Variants in PRDM16 observed in about 807,000 individuals in gnomAD.
PRDM16 encodes the protein histone-lysine N-methyltransferase PRDM16.
PRDM16 carries 23 observed loss-of-function variants against 110.6 expected under a neutral mutation model. The ratio of observed to expected loss-of-function variants is 0.21; its 90% confidence interval spans 0.15 to 0.29. The LOEUF is 0.29. Ranked by LOEUF, PRDM16 falls within the 10% of genes least tolerant of loss-of-function variation. The pLI is 1.00. For missense variants in PRDM16, 1,615 were observed against 1,794.3 expected (o/e 0.90, Z 1.81); for synonymous variants, 799 against 781.8 (o/e 1.02, Z -0.37).
At chr1:3,186,776 C>T (rs2100798970) in intron 2 of PRDM16, among the ~76,000 whole-genome samples, 1 of 152,360 alleles carries the variant, frequency 6.6e-6, no homozygotes, top group Admixed American at 6.5e-5. Flanking sequence ...CAGGCGCGAA[C>T]ACTGCCATCG....
At chr1:3,367,608 A>C (rs1268484038) in intron 3 of PRDM16, among the ~76,000 whole-genome samples, 1 of 152,210 alleles carries the variant, frequency 6.6e-6, no homozygotes, top group Non-Finnish European at 1.5e-5. Flanking sequence ...TTGTCCAAAA[A>C]CACGTGCGGT....
At chr1:3,279,831 A>G (rs1464308589) in intron 3 of PRDM16, among the ~76,000 whole-genome samples, 3 of 152,036 alleles carry the variant, frequency 2.0e-5, no homozygotes, top group Admixed American at 6.5e-5. Flanking sequence ...CTGGGCCAGC[A>G]TATCCCTGAG....
rs1644164151 is a variant in PRDM16 at position 3,181,194 on chromosome 1, G to GCAGTCTTACACACGGTCTTACACACA, written c.38-4931_38-4930insCAGTCTTACACACGGTCTTACACACA. On this transcript the variant is annotated intron_variant, in intron 1 of 16. Transcript: ENST00000270722. ...TACGGTCTTACACACGCAGTCTTAC[G>GCAGTCTTACACACGGTCTTACACACA]GTCTTACACACGGTCTTACACACGC... Among the ~76,000 whole-genome samples, 4 of 120,076 alleles carry GCAGTCTTACACACGGTCTTACACACA rather than the reference G, an allele frequency of 3.3e-5. 2 individuals carry two copies. Among genetic ancestry groups the GCAGTCTTACACACGGTCTTACACACA allele is most frequent in the East Asian group, 5.9e-4 (2 of 3,408 alleles). 78.8% of individuals were successfully genotyped at this position (120,076 alleles called of 152,430 possible).
At chr1:3,423,667 G>A (rs1045501216) in intron 12 of PRDM16, among the ~76,000 whole-genome samples, 4 of 152,180 alleles carry the variant, frequency 2.6e-5, no homozygotes, top group Admixed American at 1.3e-4. Flanking sequence ...TCCTCTGTGG[G>A]AACGAAGGCC....
chr1:3,150,389 CAAAA>C (rs34595741), intron 1 of PRDM16, among the ~76,000 whole-genome samples: 3 of 104,494 alleles, frequency 2.9e-5, no homozygotes, highest in African/African-American at 6.6e-5. Flanking sequence ...AACCCCATCT[CAAAA>C]AAAAAAAAAA....
In PRDM16 at chr1:3,290,022, TG is replaced by T. The variant is rs146915024; in HGVS notation, c.438+45886del. Among the ~76,000 whole-genome samples the T allele has an allele frequency of 0.024, 3,675 of 152,164 alleles. 250 individuals carry two copies. Among genetic ancestry groups the T allele is most frequent in the East Asian group, 0.24 (1,234 of 5,140 alleles). On this transcript the variant is annotated intron_variant, in intron 3 of 16. Transcript: ENST00000270722. The surrounding 1 kb of genome is among the most constrained non-coding windows in gnomAD (Gnocchi z 4.8). The stretch of plus-strand genomic sequence containing the variant: ...CCCCACTCCTGCCTGGGGCTGCCCC[TG>T]CTGCTGTGCCTCCCCTGGTGGAGCG...
intron 1 of PRDM16, among the ~76,000 whole-genome samples, chr1:3,088,773 A>ATTATTAT (rs1450161588): frequency 7.0e-6 from 1 of 142,684 alleles, no homozygotes; most frequent in Non-Finnish European, 1.5e-5. Context: ...TATATTATTT[A>ATTATTAT]TTATTATTTA....
intron 3 of PRDM16, among the ~76,000 whole-genome samples, chr1:3,294,461 C>T (rs761235225): frequency 6.6e-6 from 1 of 152,092 alleles, no homozygotes. Context: ...GCCCCAAGAG[C>T]CTCTGACTTC....
chr1:3,344,358 A>G (rs1642325142), intron 3 of PRDM16, among the ~76,000 whole-genome samples: 1 of 152,064 alleles, frequency 6.6e-6, no homozygotes, highest in Non-Finnish European at 1.5e-5. Flanking sequence ...TTCATGCAGT[A>G]TACTTTTCTG....
chr1:3,415,358 G>C (rs1643761366), intron 10 of PRDM16, among the ~76,000 whole-genome samples: 2 of 152,276 alleles, frequency 1.3e-5, no homozygotes, highest in Non-Finnish European at 2.9e-5. Context: ...GGAGGGTCCT[G>C]AGGGTCGCAC....
intron 3 of PRDM16, among the ~76,000 whole-genome samples, chr1:3,341,438 G>A (rs1642270043): frequency 6.6e-6 from 1 of 152,170 alleles, no homozygotes; most frequent in Non-Finnish European, 1.5e-5. Context: ...TTCCTAAGCA[G>A]CTCCTGAATG....
At chr1:3,373,343 C>A (rs1317663019) in intron 3 of PRDM16, among the ~76,000 whole-genome samples, 1 of 152,190 alleles carries the variant, frequency 6.6e-6, no homozygotes, top group Non-Finnish European at 1.5e-5. Context: ...GTGAGAGCCC[C>A]GCCCCAGCGT....
At chr1:3,252,032 A>G (rs1431683757) in intron 3 of PRDM16, among the ~76,000 whole-genome samples, 2 of 152,212 alleles carry the variant, frequency 1.3e-5, no homozygotes, top group Non-Finnish European at 2.9e-5. Context: ...GGGCTTATGC[A>G]TGCTAGTGAG....
intron 1 of PRDM16, among the ~76,000 whole-genome samples, chr1:3,152,281 C>T (rs577366471): frequency 6.6e-6 from 1 of 152,152 alleles, no homozygotes; most frequent in Non-Finnish European, 1.5e-5. Context: ...AGTTTTTATT[C>T]ATCCATCCAT....
At chr1:3,288,633 C>T (rs1352952198) in intron 3 of PRDM16, among the ~76,000 whole-genome samples, 1 of 152,142 alleles carries the variant, frequency 6.6e-6, no homozygotes, top group African/African-American at 2.4e-5. Context: ...CACCACCACC[C>T]ATAGCCCCTC....
chr1:3,127,033 A>C (rs551619001), intron 1 of PRDM16, among the ~76,000 whole-genome samples: 1 of 152,356 alleles, frequency 6.6e-6, no homozygotes, highest in East Asian at 1.9e-4. Flanking sequence ...GGCTCAGCCC[A>C]GCCTGGGCCC....
intron 1 of PRDM16, among the ~76,000 whole-genome samples, chr1:3,158,239 C>A (rs1354928865): frequency 1.3e-5 from 2 of 152,156 alleles, no homozygotes; most frequent in African/African-American, 2.4e-5. Flanking sequence ...GACCTCTGGG[C>A]ATTCTAGAGG....
chr1:3,076,782 G>A (rs572958421), intron 1 of PRDM16, among the ~76,000 whole-genome samples: 2 of 152,330 alleles, frequency 1.3e-5, no homozygotes, highest in East Asian at 3.9e-4. Context: ...GCACACTAAG[G>A]ACTATTCCCT....
intron 3 of PRDM16, among the ~76,000 whole-genome samples, chr1:3,356,275 C>T (rs1177090242): frequency 6.6e-6 from 1 of 152,180 alleles, no homozygotes; most frequent in East Asian, 1.9e-4. Flanking sequence ...CCCCAGCCCC[C>T]CTGCGCCAAG....
Sources: allele counts gnomAD v4.1 joint callset (sites outside exome capture counted in the v4.1 genomes callset), GRCh38; gene constraint gnomAD v4.1.1; non-coding constraint Gnocchi (gnomAD v3.1); transcripts MANE v1.5; gene names NCBI Gene and HGNC (gene_info 2026-07-23, HGNC 2026-07-21).